Variants in BUB1 observed in about 807,000 individuals in gnomAD.
The protein encoded by BUB1 is BUB1 mitotic checkpoint serine/threonine kinase, also known as mitotic checkpoint serine/threonine-protein kinase BUB1.
A neutral mutation model predicts 135.2 loss-of-function variants in BUB1; 84 were observed. The observed-to-expected ratio is 0.62, with a 90% confidence interval of 0.52 to 0.74. BUB1 has a LOEUF of 0.74. Ranked by LOEUF, BUB1 falls within the 30% of genes least tolerant of loss-of-function variation. The probability of loss-of-function intolerance (pLI) is 0.00; values close to 1 mark genes in which losing one functional copy is unlikely to be tolerated. For synonymous variants in BUB1, 403 were observed against 434.4 expected (o/e 0.93, Z 0.90); for missense variants, 1,162 against 1,288.3 (o/e 0.90, Z 1.50).
In BUB1 at chr2:110,667,781, C is replaced by A; in HGVS notation, c.620+16G>T. On this transcript the variant is annotated intron_variant, in intron 7 of 24. Transcript: ENST00000302759. The stretch of plus-strand genomic sequence containing the variant: ...AAAGGAAACTAATAATAGATTAATG[C>A]ACTGATTATACTTGCATATTTGACT... The A allele has an allele frequency of 1.2e-6, 2 of 1,612,268 alleles. No individual in the cohort carries two copies. The highest frequency in any genetic ancestry group is 1.7e-6 in the Non-Finnish European group (2 of 1,179,144).
intron 9 of BUB1, among the ~76,000 whole-genome samples, chr2:110,663,750 C>T (rs866964795): frequency 2.6e-5 from 4 of 152,138 alleles, no homozygotes; most frequent in South Asian, 2.1e-4. Flanking sequence ...AGATGCTGGC[C>T]GGGCACTGTG....
chr2:110,668,527 C>A (rs766990396), intron 6 of BUB1, among the ~76,000 whole-genome samples: 2 of 152,180 alleles, frequency 1.3e-5, no homozygotes, highest in Admixed American at 1.3e-4. Context: ...AGCACACAGG[C>A]GTTTCCATTG....
rs374536831 is a variant in BUB1 at position 110,653,416 on chromosome 2, C to A, written c.1964+20G>T. 14 of 1,603,792 alleles carry A rather than the reference C, an allele frequency of 8.7e-6. No homozygotes were observed. The African/African-American group carries it at 1.5e-4, about 17-fold the overall frequency. On this transcript the variant is annotated intron_variant, in intron 17 of 24. Transcript: ENST00000302759. ...ATGAAAATGAAGAGAATGGCAGAAC[C>A]AAATAAACCCTCACAATACCTGAAT... is the stretch of plus-strand genomic sequence containing the variant.
Position 110,661,565 on chromosome 2 carries a change from G to T in BUB1, c.1217+17C>A, listed in dbSNP as rs1170461626. On this transcript the variant is annotated intron_variant, in intron 10 of 24. Transcript: ENST00000302759. ...CCACTCACATCACTGTGATCTCTAGGACTACCTTCAGCTTACCCAGCATCT... is the reference window on the plus strand; with the variant it reads ...CCACTCACATCACTGTGATCTCTAGTACTACCTTCAGCTTACCCAGCATCT... 7 of 1,612,090 alleles carry T rather than the reference G, an allele frequency of 4.3e-6. No individual in the cohort carries two copies. Among genetic ancestry groups the T allele is most frequent in the Non-Finnish European group, 5.9e-6 (7 of 1,178,930 alleles).
intron 7 of BUB1, 21 bp downstream of exon 7, chr2:110,667,776 T>C: frequency 6.2e-7 from 1 of 1,612,008 alleles, no homozygotes; most frequent in Admixed American, 1.7e-5. Flanking sequence ...AATAATAGAT[T>C]AATGCACTGA....
chr2:110,646,182 A>AG (rs1689642115), intron 19 of BUB1, among the ~76,000 whole-genome samples: 2 of 151,328 alleles, frequency 1.3e-5, no homozygotes, highest in Non-Finnish European at 2.9e-5. Context: ...AAAAAAAAAA[A>AG]AAAAAAAGCT....
chr2:110,672,621 A>C (rs780524401), intron 4 of BUB1, 40 bp downstream of exon 4: 1 of 1,514,650 alleles, frequency 6.6e-7, no homozygotes, highest in Non-Finnish European at 8.8e-7. Flanking sequence ...ATTACTTTTC[A>C]AAGTCAGAAT....
intron 19 of BUB1, among the ~76,000 whole-genome samples, chr2:110,645,296 TG>T (rs1559164752): frequency 6.6e-6 from 1 of 151,732 alleles, no homozygotes; most frequent in East Asian, 1.9e-4. Flanking sequence ...TAGCTGGGCG[TG>T]GTGGTGTGCG....
intron 15 of BUB1, among the ~76,000 whole-genome samples, chr2:110,656,149 A>T (rs949538879): frequency 1.3e-5 from 2 of 152,156 alleles, no homozygotes; most frequent in African/African-American, 2.4e-5. Context: ...TTATATATAT[A>T]TTTTTTAATT....
At chr2:110,667,897 G>A in intron 6 of BUB1, 48 bp from the exon 7 acceptor site, 1 of 1,574,834 alleles carries the variant, frequency 6.3e-7, no homozygotes. Context: ...TGAGAAGAAA[G>A]CTTCACCCAA....
chr2:110,657,214 A>G lies in BUB1; in HGVS notation c.1617-97T>C, dbSNP rs1332175923. ...GAAAAGTTCTCTACTTATCCTATTT[A>G]ATGAGTTAATCTTTATATAGATATT... On this transcript the variant is annotated intron_variant, in intron 14 of 24. Transcript: ENST00000302759. 4.1e-6 allele frequency: 4 copies of G among 983,242 alleles called. No homozygotes were observed. The East Asian group carries it at 1.0e-4, about 25-fold the overall frequency. 60.9% of individuals were successfully genotyped at this position (983,242 alleles called of 1,614,324 possible).
At chr2:110,660,662 A>G (rs893947062) in intron 10 of BUB1, among the ~76,000 whole-genome samples, 3 of 152,178 alleles carry the variant, frequency 2.0e-5, no homozygotes, top group African/African-American at 4.8e-5. Context: ...GTAGAGTCCT[A>G]TGACTATTCA....
At position 110,658,639 on chromosome 2, in the gene BUB1, G is replaced by A. The variant is rs751960750; in HGVS notation, c.1380C>T (p.Pro460=). 2 of 1,614,200 alleles carry A rather than the reference G, an allele frequency of 1.2e-6. No homozygotes were observed. Among genetic ancestry groups the A allele is most frequent in the South Asian group, 1.1e-5 (1 of 91,080 alleles). Residue 460 remains proline (P), a synonymous_variant, in exon 12 of 25, where the codon CCC becomes CCT. Coordinates refer to ENST00000302759, the MANE Select transcript of BUB1 (RefSeq NM_004336.5). ...CTAATGCTTCTTTTGTGTGCACGGT[G>A]GGTGATGGCTGCACTTTGGATGGCG... ...QATPSKVQPS[P]TVHTKEALGF... is the part of the protein sequence containing the mutation.
chr2:110,653,412 G>A, intron 17 of BUB1, 24 bp downstream of exon 17: 2 of 1,597,948 alleles, frequency 1.3e-6, no homozygotes, highest in Non-Finnish European at 1.7e-6. Context: ...GAGAATGGCA[G>A]AACCAAATAA....
intron 17 of BUB1, 77 bp downstream of exon 17, chr2:110,653,359 A>G (rs1689832754): frequency 6.8e-7 from 1 of 1,476,348 alleles, no homozygotes; most frequent in East Asian, 2.3e-5. Context: ...CTAAAAGGCA[A>G]AGCTAGAATG....
At chr2:110,653,551 A>T in intron 16 of BUB1, 28 bp from the exon 17 acceptor site, 1 of 1,579,966 alleles carries the variant, frequency 6.3e-7, no homozygotes, top group East Asian at 2.2e-5. Context: ...TAGAGACAAG[A>T]TATGTTAGAT....
Position 110,672,819 on chromosome 2 carries a change from A to G in BUB1, c.264T>C (p.Phe88=). The G allele has an allele frequency of 6.2e-7, 1 of 1,609,402 alleles. No homozygotes were observed. Among genetic ancestry groups the G allele is most frequent in the Non-Finnish European group, 8.5e-7 (1 of 1,178,648 alleles). Residue 88 remains phenylalanine, a synonymous_variant, in exon 4 of 25, where the codon TTT becomes TTC. Coordinates refer to ENST00000302759, the MANE Select transcript of BUB1 (RefSeq NM_004336.5). The part of the protein sequence containing the change: ...YNSDLHQFFE[F]LYNHGIGTLS... ...GGGTTCCAATCCCATGGTTGTACAG[A>G]AACTCAAAAAATTGATGGAGGTCAC...
At chr2:110,667,435 A>T in intron 8 of BUB1, 86 bp downstream of exon 8, 1 of 1,304,506 alleles carries the variant, frequency 7.7e-7, no homozygotes, top group Non-Finnish European at 1.1e-6. Flanking sequence ...CAACATAGTC[A>T]ATTATTCTTT....
intron 24 of BUB1, among the ~76,000 whole-genome samples, chr2:110,638,395 G>C (rs1231602615): frequency 1.3e-5 from 2 of 152,080 alleles, no homozygotes; most frequent in African/African-American, 4.8e-5. Context: ...TAATCTTTTA[G>C]CAATACTGCA....
Sources: allele counts gnomAD v4.1 joint callset (sites outside exome capture counted in the v4.1 genomes callset), GRCh38; gene constraint gnomAD v4.1.1; transcripts MANE v1.5; gene names NCBI Gene and HGNC (gene_info 2026-07-23, HGNC 2026-07-21).